Variants in ANKRD12 observed in about 807,000 individuals in gnomAD.
ANKRD12 encodes the protein ankyrin repeat domain 12, also known as ankyrin repeat domain-containing protein 12.
A neutral mutation model predicts 183.4 loss-of-function variants in ANKRD12; 85 were observed. The ratio of observed to expected loss-of-function variants is 0.46; its 90% CI spans 0.39 to 0.56. The LOEUF is 0.56. Ranked by LOEUF, ANKRD12 falls within the 20% of genes least tolerant of loss-of-function variation. The probability of loss-of-function intolerance (pLI) is 0.00; values close to 1 mark genes in which losing one functional copy is unlikely to be tolerated. For synonymous variants in ANKRD12, 914 were observed against 800.2 expected (o/e 1.14, Z -2.40); for missense variants, 2,405 against 2,357.1 (o/e 1.02, Z -0.42).
intron 8 of ANKRD12, among the ~76,000 whole-genome samples, chr18:9,245,343 T>C (rs988217959): frequency 1.3e-5 from 2 of 151,656 alleles, no homozygotes; most frequent in African/African-American, 4.8e-5. Flanking sequence ...ACCAGCTACT[T>C]AGGGAGCTGA....
intron 10 of ANKRD12, among the ~76,000 whole-genome samples, chr18:9,265,401 A>G (rs926499876): frequency 6.6e-6 from 1 of 152,164 alleles, no homozygotes; most frequent in East Asian, 1.9e-4. Flanking sequence ...GACACCTCAC[A>G]CGGCTGGGTA....
Position 9,256,497 on chromosome 18 carries a change from A to G in ANKRD12, c.3230A>G (p.Gln1077Arg). The G allele has an allele frequency of 6.2e-7, 1 of 1,612,002 alleles. No homozygotes were observed. Among genetic ancestry groups the G allele is most frequent in the Non-Finnish European group, 8.5e-7 (1 of 1,179,474 alleles). The change falls in exon 9 of 13, where the codon CAG (glutamine) becomes CGG (arginine). Residue 1077 changes from glutamine to arginine, a missense_variant. Coordinates refer to ENST00000262126, the MANE Select transcript of ANKRD12 (RefSeq NM_015208.5). ...AGGTTAGTGAATGATGATTTAATGCAGACAAGTTTTGAACGAATGCTAAGC... is the reference window on the plus strand; with the variant it reads ...AGGTTAGTGAATGATGATTTAATGCGGACAAGTTTTGAACGAATGCTAAGC... ...EKRLVNDDLM[Q>R]TSFERMLSLK... is the part of the protein sequence containing the mutation.
At chr18:9,245,616 AAC>A (rs1459806959) in intron 8 of ANKRD12, among the ~76,000 whole-genome samples, 2 of 152,248 alleles carry the variant, frequency 1.3e-5, no homozygotes, top group African/African-American at 2.4e-5. Context: ...AGAATAGACA[AAC>A]ACAAATCACA....
At chr18:9,237,305 G>T (rs2037402590) in intron 8 of ANKRD12, among the ~76,000 whole-genome samples, 1 of 152,200 alleles carries the variant, frequency 6.6e-6, no homozygotes, top group African/African-American at 2.4e-5. Context: ...GTGTGAATTG[G>T]TCAAAGATTG....
intron 1 of ANKRD12, among the ~76,000 whole-genome samples, chr18:9,173,121 G>A (rs892530031): frequency 1.3e-4 from 20 of 149,796 alleles, no homozygotes; most frequent in Admixed American, 6.0e-4. Context: ...CCAGGCTGGA[G>A]TGCAGTGGCA....
intron 2 of ANKRD12, among the ~76,000 whole-genome samples, chr18:9,186,125 C>T (rs1015141416): frequency 1.3e-5 from 2 of 150,090 alleles, no homozygotes; most frequent in Non-Finnish European, 3.0e-5. Context: ...ATATTGCCCT[C>T]CTAAAAGTGT....
intron 1 of ANKRD12, among the ~76,000 whole-genome samples, chr18:9,168,430 T>G (rs527506518): frequency 2.4e-4 from 37 of 152,232 alleles, no homozygotes; most frequent in Admixed American, 6.5e-4. Flanking sequence ...ATTCAACTTC[T>G]TCCTGATTTA....
chr18:9,193,135 A>ATTTTT (rs397751904), intron 2 of ANKRD12, among the ~76,000 whole-genome samples: 1 of 128,468 alleles, frequency 7.8e-6, no homozygotes. Flanking sequence ...TGAGTACAGC[A>ATTTTT]TTTTTTTTTT....
At position 9,231,824 on chromosome 18, in the gene ANKRD12, CA is replaced by C. The variant is rs60799678; in HGVS notation, c.943+9844del. Among the ~76,000 whole-genome samples the C allele has an allele frequency of 3.6e-3, 371 of 102,414 alleles. 1 individual carries two copies. Among genetic ancestry groups the C allele is most frequent in the African/African-American group, 7.1e-3 (175 of 24,682 alleles). The allele number at this position is 102,414 out of a possible 152,430, so 67.2% of individuals were successfully genotyped here. ...TGGGCAACAGAGCAAGACTCTGTCT[CA>C]AAAAAAAAAAAAAAAAAAGATATTT... On this transcript the variant is annotated intron_variant, in intron 8 of 12. Transcript: ENST00000262126.
At chr18:9,273,067 C>T (rs932536818) in intron 10 of ANKRD12, among the ~76,000 whole-genome samples, 1 of 152,080 alleles carries the variant, frequency 6.6e-6, no homozygotes, top group Admixed American at 6.6e-5. Context: ...ATTAAACTGG[C>T]GAGTTCCTGG....
In ANKRD12 at chr18:9,257,790, A is replaced by T; in HGVS notation, c.4523A>T (p.His1508Leu). The T allele has an allele frequency of 6.2e-7, 1 of 1,613,988 alleles. No homozygotes were observed. The highest frequency in any genetic ancestry group is 8.5e-7 in the Non-Finnish European group (1 of 1,179,982). ...TCAGATGCTGAATCGATTTCTAAAC[A>T]TATGTCTTTGTCATATGTTGCTAAT... ...SLSDAESISK[H>L]MSLSYVANQE... The change falls in exon 9 of 13, where the codon CAT becomes CTT. Residue 1508 changes from histidine (H) to leucine (L), a missense_variant. Coordinates refer to ENST00000262126, the MANE Select transcript of ANKRD12 (RefSeq NM_015208.5).
rs143003432 is a variant in ANKRD12, at chr18:9,211,148, G to T, written c.452-436G>T. On this transcript the variant is annotated intron_variant, in intron 5 of 12. Transcript: ENST00000262126. ...TTCATAGTAAAATCGTTATGACCTT[G>T]ATTTGCACATAATATAAGAACAGAA... Among the ~76,000 whole-genome samples the T allele has an allele frequency of 2.6e-5, 4 of 151,932 alleles. No homozygotes were observed. The East Asian group carries it at 7.7e-4, about 29-fold the overall frequency.
In ANKRD12 at chr18:9,165,941, A is replaced by G. The variant is rs557055344; in HGVS notation, c.-51-16441A>G. Among the ~76,000 whole-genome samples, 168 of 144,510 alleles carry G rather than the reference A, an allele frequency of 1.2e-3. 1 individual carries two copies. The highest frequency in any genetic ancestry group is 3.1e-3 in the African/African-American group (120 of 38,762). The allele number at this position is 144,510 out of a possible 152,430, so 94.8% of individuals were successfully genotyped here. A position where few individuals can be genotyped will look rare whatever the true frequency, so the allele number is the denominator to read the frequency against. On this transcript the variant is annotated intron_variant, in intron 1 of 12. Transcript: ENST00000262126. ...TGTGTCCAAGTGTTCTCATTGTTCA[A>G]TTACCACCTATGAGTGAGAACATGC...
At chr18:9,226,768 A>T (rs1408664258) in intron 8 of ANKRD12, among the ~76,000 whole-genome samples, 1 of 152,186 alleles carries the variant, frequency 6.6e-6, no homozygotes, top group Non-Finnish European at 1.5e-5. Flanking sequence ...AAGGGATATA[A>T]CATCACTTTT....
At chr18:9,159,330 C>G (rs1189708240) in intron 1 of ANKRD12, among the ~76,000 whole-genome samples, 1 of 152,208 alleles carries the variant, frequency 6.6e-6, no homozygotes, top group African/African-American at 2.4e-5. Context: ...CAGCTGTAAT[C>G]CATTACCACA....
chr18:9,262,786 CCTTTTTTTTTTTTTTT>C (rs963992492), intron 9 of ANKRD12, among the ~76,000 whole-genome samples: 12 of 87,932 alleles, frequency 1.4e-4, no homozygotes, highest in Non-Finnish European at 2.3e-4. Flanking sequence ...CCAAGATGTC[CCTTTTTTTTTTTTTTT>C]TTTTTTTTTT....
Position 9,279,531 on chromosome 18 carries a change from C to T in ANKRD12, c.5908-18C>T. 7.0e-7 allele frequency: 1 copy of T among 1,419,674 alleles called. No homozygotes were observed. The allele number at this position is 1,419,674 out of a possible 1,614,324, so 87.9% of individuals were successfully genotyped here. On this transcript the variant is annotated intron_variant, in intron 11 of 12. Transcript: ENST00000262126. The stretch of plus-strand genomic sequence containing the variant: ...AAGTGATTTATTGTATTTTATAATA[C>T]TCACTTTTCTCTTTTAGTCTGATGA...
At chr18:9,141,310 T>C (rs753365746) in intron 1 of ANKRD12, among the ~76,000 whole-genome samples, 42 of 152,224 alleles carry the variant, frequency 2.8e-4, no homozygotes, top group Non-Finnish European at 5.7e-4. Flanking sequence ...AATATGAGGC[T>C]ATCCTAGCAA....
chr18:9,217,065 C>G (rs2036149566), intron 7 of ANKRD12, among the ~76,000 whole-genome samples, 165 bp downstream of exon 7: 1 of 152,140 alleles, frequency 6.6e-6, no homozygotes. Flanking sequence ...AGTATTAGTT[C>G]ATAGTCAGAT....
Sources: gnomAD v4.1 joint callset for allele counts (sites outside exome capture counted in the v4.1 genomes callset) on GRCh38, gnomAD v4.1.1 for gene constraint, MANE v1.5 for transcripts, NCBI Gene and HGNC (gene_info 2026-07-23, HGNC 2026-07-21) for gene names.